Variants in PACSIN1 observed in about 807,000 individuals in gnomAD.
The protein encoded by PACSIN1 is protein kinase C and casein kinase substrate in neurons 1.
PACSIN1 carries 15 observed loss-of-function variants against 59.5 expected under a neutral mutation model. The ratio of observed to expected loss-of-function variants is 0.25; its 90% CI spans 0.17 to 0.39. The LOEUF (loss-of-function observed/expected upper bound fraction) is 0.39, where lower values mean the gene tolerates loss of function less well. PACSIN1 is among the 10% of genes least tolerant of loss of function. PACSIN1 has a pLI of 1.00. For missense variants in PACSIN1, 420 were observed against 580.2 expected (o/e 0.72, Z 2.84); for synonymous variants, 210 against 220.6 (o/e 0.95, Z 0.42).
At position 34,534,892 on chromosome 6, in the gene PACSIN1, A is replaced by G. The variant is rs1045398133; in HGVS notation, c.*2362A>G. The G allele has an allele frequency of 6.5e-6, 1 of 152,808 alleles. No homozygotes were observed. The highest frequency in any genetic ancestry group is 1.5e-5 in the Non-Finnish European group (1 of 68,164). The allele number at this position is 152,808 out of a possible 1,614,324, so 9.5% of individuals were successfully genotyped here. The stretch of plus-strand genomic sequence containing the variant: ...GGGGGCCACGCCCCTTGCCATGCCC[A>G]CGGCCTCCTCCTGTAGCTCCTGCCT... On this transcript the variant is annotated 3_prime_UTR_variant, in exon 10 of 10. Coordinates refer to ENST00000244458, the MANE Select transcript of PACSIN1 (RefSeq NM_020804.5).
intron 1 of PACSIN1, among the ~76,000 whole-genome samples, chr6:34,467,719 C>T (rs913733123): frequency 1.4e-4 from 21 of 152,058 alleles, no homozygotes; most frequent in African/African-American, 4.8e-4. Flanking sequence ...CCACCACACC[C>T]GGCTAATTTT....
At chr6:34,491,013 G>T (rs1158259146) in intron 1 of PACSIN1, among the ~76,000 whole-genome samples, 1 of 151,796 alleles carries the variant, frequency 6.6e-6, no homozygotes, top group East Asian at 1.9e-4. Context: ...AGTGCTCGCC[G>T]GGGGTCACTT....
intron 1 of PACSIN1, among the ~76,000 whole-genome samples, chr6:34,512,511 C>G (rs1046240486): frequency 1.6e-4 from 24 of 152,148 alleles, no homozygotes; most frequent in Non-Finnish European, 3.2e-4. Flanking sequence ...CTGAGGCCTC[C>G]TCACTCTCTA....
intron 1 of PACSIN1, among the ~76,000 whole-genome samples, chr6:34,523,115 A>G (rs1767425778): frequency 6.6e-6 from 1 of 152,206 alleles, no homozygotes; most frequent in South Asian, 2.1e-4. Flanking sequence ...AACCTTTGGC[A>G]GGTTACTTCG....
Position 34,529,725 on chromosome 6 carries a change from G to A in PACSIN1, c.672G>A (p.Met224Ile). 1.2e-6 allele frequency: 2 copies of A among 1,614,192 alleles called. No homozygotes were observed. Among genetic ancestry groups the A allele is most frequent in the Non-Finnish European group, 8.5e-7 (1 of 1,180,042 alleles). ...TGGGCAAGACCACACCCCAGTACAT[G>A]GAGAACATGGAGCAGGTGTTTGAGC... ...EDVGKTTPQY[M>I]ENMEQVFEQC... The change falls in exon 6 of 10, where the codon ATG (methionine) becomes ATA (isoleucine). Residue 224 changes from methionine (M) to isoleucine (I), a missense_variant. Transcript: ENST00000244458. This position sits in a 1 kb window ranked among gnomAD's most constrained non-coding sequence, Gnocchi z 6.3.
intron 1 of PACSIN1, among the ~76,000 whole-genome samples, chr6:34,469,411 T>G (rs1426851921): frequency 6.6e-6 from 1 of 152,012 alleles, no homozygotes; most frequent in African/African-American, 2.4e-5. Context: ...AGGTCTGGGC[T>G]GGGGACTTGG....
At chr6:34,478,308 C>T (rs1440258287) in intron 1 of PACSIN1, among the ~76,000 whole-genome samples, 3 of 151,128 alleles carry the variant, frequency 2.0e-5, no homozygotes, top group African/African-American at 7.3e-5. Context: ...ATCCACCCTC[C>T]TCGGCCTCCC....
Position 34,515,750 on chromosome 6 carries a change from C to T in PACSIN1, c.-63-10493C>T, listed in dbSNP as rs1302472926. Among the ~76,000 whole-genome samples the T allele has an allele frequency of 6.6e-6, 1 of 152,234 alleles. No homozygotes were observed. The highest frequency in any genetic ancestry group is 2.4e-5 in the African/African-American group (1 of 41,466). On this transcript the variant is annotated intron_variant, in intron 1 of 9. Transcript: ENST00000244458. This position sits in a 1 kb window ranked among gnomAD's most constrained non-coding sequence, Gnocchi z 4.4. ...CCAAGTTGGGGTACCAGGGAGCAGGCCTCTGATGGGGTGGGAGTGCCTGTG... is the reference window on the plus strand; with the variant it reads ...CCAAGTTGGGGTACCAGGGAGCAGGTCTCTGATGGGGTGGGAGTGCCTGTG...
At chr6:34,512,351 CG>C (rs1455155412) in intron 1 of PACSIN1, among the ~76,000 whole-genome samples, 1 of 5,680 alleles carries the variant, frequency 1.8e-4, no homozygotes, top group Non-Finnish European at 3.2e-4. Flanking sequence ...ATCAGGCTGA[CG>C]GAGGGGTGGG....
rs1373857661 is a variant in PACSIN1 at position 34,532,704 on chromosome 6, G to A, written c.*174G>A. ...TATGCAGAGACAGAGCATTTGCAGG[G>A]CCACCTGGAGGCTGGGGTGCTGGGG... On this transcript the variant is annotated 3_prime_UTR_variant, in exon 10 of 10. Transcript: ENST00000244458. This position sits in a 1 kb window ranked among gnomAD's most constrained non-coding sequence, Gnocchi z 5.2. 1 of 585,132 alleles carries A rather than the reference G, an allele frequency of 1.7e-6. No homozygotes were observed. The highest frequency in any genetic ancestry group is 3.1e-6 in the Non-Finnish European group (1 of 327,230). The allele number at this position is 585,132 out of a possible 1,614,324, so 36.2% of individuals were successfully genotyped here.
chr6:34,493,550 C>T (rs957217289), intron 1 of PACSIN1, among the ~76,000 whole-genome samples: 1 of 152,200 alleles, frequency 6.6e-6, no homozygotes, highest in South Asian at 2.1e-4. Flanking sequence ...GTTGTGATTA[C>T]TCTGCATCCT....
In PACSIN1 at chr6:34,530,429, C is replaced by T; in HGVS notation, c.910-31C>T. On this transcript the variant is annotated intron_variant, in intron 7 of 9. Transcript: ENST00000244458. This position sits in a 1 kb window ranked among gnomAD's most constrained non-coding sequence, Gnocchi z 4.4. The stretch of plus-strand genomic sequence containing the variant: ...TGAAAGGTGCCTCAGGGCATAGTCC[C>T]CCAGCCTGACTGCTCCACTGGCCCC... 1 of 1,597,770 alleles carries T rather than the reference C, an allele frequency of 6.3e-7. No individual in the cohort carries two copies. The highest frequency in any genetic ancestry group is 8.6e-7 in the Non-Finnish European group (1 of 1,169,186).
At chr6:34,507,895 G>T (rs1767138055) in intron 1 of PACSIN1, among the ~76,000 whole-genome samples, 1 of 152,076 alleles carries the variant, frequency 6.6e-6, no homozygotes, top group Non-Finnish European at 1.5e-5. Context: ...CTTTTTTAAG[G>T]CTAAATATTA....
At chr6:34,520,138 G>GTGCCCT (rs1767362704) in intron 1 of PACSIN1, among the ~76,000 whole-genome samples, 1 of 152,086 alleles carries the variant, frequency 6.6e-6, no homozygotes, top group African/African-American at 2.4e-5. Flanking sequence ...GGGGAGACAT[G>GTGCCCT]AGCAAAGGGG....
intron 1 of PACSIN1, among the ~76,000 whole-genome samples, chr6:34,522,685 G>C (rs12662886): frequency 1.3e-5 from 2 of 152,330 alleles, no homozygotes; most frequent in East Asian, 3.9e-4. Flanking sequence ...GCTGGGCCAG[G>C]GGAGCCGGTA....
In PACSIN1 at chr6:34,483,591, G is replaced by A. The variant is rs187124746; in HGVS notation, c.-64+17321G>A. Among the ~76,000 whole-genome samples the A allele has an allele frequency of 1.4e-4, 21 of 150,834 alleles. No individual in the cohort carries two copies. The East Asian group carries it at 3.3e-3, about 24-fold the overall frequency. ...CCGCTCCCTTTACGTGGTTTCTGGC[G>A]CCTGGCTCTGTGGCTCTTAGCCACA... On this transcript the variant is annotated intron_variant, in intron 1 of 9. Coordinates refer to ENST00000244458, the MANE Select transcript of PACSIN1 (RefSeq NM_020804.5).
In PACSIN1 at chr6:34,521,490, G is replaced by A. The variant is rs1447626320; in HGVS notation, c.-63-4753G>A. ...TTCAGGAGATGCCTGGGCCTGAGGA[G>A]AGATGCCCTCCACGCTGGGGCTCCT... On this transcript the variant is annotated intron_variant, in intron 1 of 9. Transcript: ENST00000244458. The surrounding 1 kb of genome is among the most constrained non-coding windows in gnomAD (Gnocchi z 4.3). Among the ~76,000 whole-genome samples the A allele has an allele frequency of 6.6e-6, 1 of 152,214 alleles. No homozygotes were observed. The highest frequency in any genetic ancestry group is 2.4e-5 in the African/African-American group (1 of 41,444).
At chr6:34,522,574 G>GGATAA (rs1159535938) in intron 1 of PACSIN1, among the ~76,000 whole-genome samples, 1 of 152,096 alleles carries the variant, frequency 6.6e-6, no homozygotes, top group African/African-American at 2.4e-5. Context: ...GATGACAGAT[G>GGATAA]GATAGATAGG....
chr6:34,502,535 G>A (rs542143132), intron 1 of PACSIN1, among the ~76,000 whole-genome samples: 11 of 147,410 alleles, frequency 7.5e-5, no homozygotes, highest in South Asian at 4.3e-4. Flanking sequence ...GCGTGATCTC[G>A]GCTCACTACA....
Sources: gnomAD v4.1 joint callset for allele counts (sites outside exome capture counted in the v4.1 genomes callset) on GRCh38, gnomAD v4.1.1 for gene constraint, Gnocchi (gnomAD v3.1) non-coding constraint, MANE v1.5 for transcripts, NCBI Gene and HGNC (gene_info 2026-07-23, HGNC 2026-07-21) for gene names.